LRRTM4: variants seen among roughly 807,000 people sequenced by gnomAD.
LRRTM4 encodes leucine rich repeat transmembrane neuronal 4.
A neutral mutation model predicts 47.6 loss-of-function variants in LRRTM4; 25 were observed. That is an observed-to-expected ratio of 0.53 (90% CI 0.38 to 0.73). The LOEUF (loss-of-function observed/expected upper bound fraction) is 0.73, where lower values mean the gene tolerates loss of function less well. Ranked by LOEUF, LRRTM4 falls within the 30% of genes least tolerant of loss-of-function variation. LRRTM4 has a pLI of 0.00. For synonymous variants in LRRTM4, 311 were observed against 269.5 expected, an observed-to-expected ratio of 1.15 and a Z score of -1.51; for missense variants, 638 against 713.4, an observed-to-expected ratio of 0.89 and a Z score of 1.20.
intron 3 of LRRTM4, among the ~76,000 whole-genome samples, chr2:77,124,911 A>G (rs928426584): frequency 6.6e-6 from 1 of 152,156 alleles, no homozygotes; most frequent in African/African-American, 2.4e-5. Context: ...TTCAGGAAAC[A>G]GGAATAAGCA....
At chr2:77,361,391 CT>C (rs1672204164) in intron 3 of LRRTM4, among the ~76,000 whole-genome samples, 1 of 152,072 alleles carries the variant, frequency 6.6e-6, no homozygotes, top group East Asian at 1.9e-4. Flanking sequence ...AAAACTTTTC[CT>C]TCCTGTTGCT....
At chr2:77,166,567 T>C (rs1397175468) in intron 3 of LRRTM4, among the ~76,000 whole-genome samples, 1 of 152,124 alleles carries the variant, frequency 6.6e-6, no homozygotes, top group East Asian at 1.9e-4. Context: ...ATTACAAGGC[T>C]ACAGTAACCA....
intron 3 of LRRTM4, among the ~76,000 whole-genome samples, chr2:76,939,635 G>C (rs1043490250): frequency 2.0e-5 from 3 of 151,848 alleles, no homozygotes; most frequent in African/African-American, 7.3e-5. Context: ...AAATATCCAT[G>C]CTTCTCTAAT....
intron 3 of LRRTM4, among the ~76,000 whole-genome samples, chr2:77,076,483 A>G (rs1400380875): frequency 6.6e-6 from 1 of 152,204 alleles, no homozygotes; most frequent in Non-Finnish European, 1.5e-5. Context: ...TATAAAAAAC[A>G]GATATTACAG....
chr2:76,831,295 A>T (rs1400123332), intron 3 of LRRTM4, among the ~76,000 whole-genome samples: 16 of 152,162 alleles, frequency 1.1e-4, no homozygotes, highest in Non-Finnish European at 1.6e-4. Context: ...TACTATTTGT[A>T]AATTTGATAT....
chr2:77,011,218 C>A (rs115546567), intron 3 of LRRTM4, among the ~76,000 whole-genome samples: 2 of 152,112 alleles, frequency 1.3e-5, no homozygotes, highest in Non-Finnish European at 2.9e-5. Flanking sequence ...ATAATTTCAA[C>A]ATGTAATCAC....
chr2:77,507,859 G>A (rs1678838590), intron 3 of LRRTM4, among the ~76,000 whole-genome samples: 2 of 151,936 alleles, frequency 1.3e-5, no homozygotes, highest in South Asian at 2.1e-4. Flanking sequence ...GGTGAGCATG[G>A]TTACCATGAC....
intron 3 of LRRTM4, among the ~76,000 whole-genome samples, chr2:77,011,844 G>A (rs2104069506): frequency 6.6e-6 from 1 of 152,120 alleles, no homozygotes; most frequent in South Asian, 2.1e-4. Context: ...CTGTCCAAGA[G>A]ATTGTGTAAA....
At chr2:76,845,046 T>A (rs774916444) in intron 3 of LRRTM4, among the ~76,000 whole-genome samples, 1 of 152,182 alleles carries the variant, frequency 6.6e-6, no homozygotes, top group Non-Finnish European at 1.5e-5. Flanking sequence ...TTCCTTTATC[T>A]TATTTCAGTT....
rs137857062 is a variant in LRRTM4 at position 77,254,555 on chromosome 2, G to A, written c.1551+263763C>T. Reference sequence around the variant, plus strand: ...AATGGATCTTTCACTTTTCTATTGAGTTTTCTATATTATTTTTGATGGTAG... The same window carrying A: ...AATGGATCTTTCACTTTTCTATTGAATTTTCTATATTATTTTTGATGGTAG... On this transcript the variant is annotated intron_variant, in intron 3 of 3. Transcript: ENST00000409884. 2.5e-3 allele frequency among the ~76,000 whole-genome samples: 376 copies of A among 151,896 alleles called. 2 individuals carry two copies. The highest frequency in any genetic ancestry group is 3.2e-3 in the Non-Finnish European group (215 of 67,814).
At position 77,509,317 on chromosome 2, in the gene LRRTM4, G is replaced by A. The variant is rs551641848; in HGVS notation, c.1551+9001C>T. 5.3e-4 allele frequency among the ~76,000 whole-genome samples: 81 copies of A among 151,804 alleles called. No homozygotes were observed. In the South Asian group the frequency reaches 0.017, roughly 32 times the overall value. On this transcript the variant is annotated intron_variant, in intron 3 of 3. Coordinates refer to ENST00000409884, the MANE Select transcript of LRRTM4 (RefSeq NM_001134745.3). The stretch of plus-strand genomic sequence containing the variant: ...GAAGTATGATATCTGATAAGATAGG[G>A]AATTTATAAGTTGTTTCTCTAACTC...
chr2:77,370,104 G>GA (rs1672606446), intron 3 of LRRTM4, among the ~76,000 whole-genome samples: 2 of 151,662 alleles, frequency 1.3e-5, no homozygotes, highest in African/African-American at 4.8e-5. Context: ...CTGACTCGGG[G>GA]AAAACCCAAA....
At chr2:77,305,274 C>T (rs1206904338) in intron 3 of LRRTM4, among the ~76,000 whole-genome samples, 1 of 151,790 alleles carries the variant, frequency 6.6e-6, no homozygotes, top group Non-Finnish European at 1.5e-5. Flanking sequence ...ATGTTATAAA[C>T]ACAAATCCTA....
chr2:76,771,641 GAAAAA>G (rs748214529), intron 3 of LRRTM4, among the ~76,000 whole-genome samples: 7 of 69,698 alleles, frequency 1.0e-4, no homozygotes, highest in Admixed American at 6.5e-4. Flanking sequence ...CAGGTGAACA[GAAAAA>G]AAAAAAAAAA....
intron 3 of LRRTM4, among the ~76,000 whole-genome samples, chr2:77,452,460 T>A (rs1028312271): frequency 6.6e-6 from 1 of 152,132 alleles, no homozygotes; most frequent in Non-Finnish European, 1.5e-5. Flanking sequence ...GAGTTTTGTC[T>A]ATGTAAGAGG....
At position 76,749,039 on chromosome 2, in the gene LRRTM4, A is replaced by C. The variant is rs572563059; in HGVS notation, c.1552-123T>G. ...TTTCAAGTCATCAGCTACAAATTCA[A>C]CTACAAATAAACATTAACAAAATGA... On this transcript the variant is annotated intron_variant, in intron 3 of 3. Transcript: ENST00000409884. 8.6e-6 allele frequency: 6 copies of C among 698,974 alleles called. No homozygotes were observed. In the African/African-American group the frequency reaches 1.1e-4, roughly 13 times the overall value. The allele number at this position is 698,974 out of a possible 1,614,324, so 43.3% of individuals were successfully genotyped here.
At chr2:77,421,887 T>C (rs1674911309) in intron 3 of LRRTM4, among the ~76,000 whole-genome samples, 1 of 152,232 alleles carries the variant, frequency 6.6e-6, no homozygotes, top group South Asian at 2.1e-4. Context: ...ATGGACCACA[T>C]AAACAACAGT....
rs563188263 is a variant in LRRTM4, at chr2:76,794,521, C to A, written c.1552-45605G>T. On this transcript the variant is annotated intron_variant, in intron 3 of 3. Coordinates refer to ENST00000409884, the MANE Select transcript of LRRTM4 (RefSeq NM_001134745.3). The stretch of plus-strand genomic sequence containing the variant: ...GTATAGGCAAACATTTGCACCTCTT[C>A]TATATTCTATCTAGACTTAATTGAA... Among the ~76,000 whole-genome samples, 4 of 151,908 alleles carry A rather than the reference C, an allele frequency of 2.6e-5. No individual in the cohort carries two copies. The South Asian group carries it at 8.4e-4, about 32-fold the overall frequency.
intron 3 of LRRTM4, among the ~76,000 whole-genome samples, chr2:77,215,942 G>C (rs144282382): frequency 6.6e-6 from 1 of 151,860 alleles, no homozygotes; most frequent in African/African-American, 2.4e-5. Flanking sequence ...AAAAATTCTG[G>C]GTCAGTAAGA....
Sources: allele counts gnomAD v4.1 joint callset (sites outside exome capture counted in the v4.1 genomes callset), GRCh38; gene constraint gnomAD v4.1.1; transcripts MANE v1.5; gene names NCBI Gene and HGNC (gene_info 2026-07-23, HGNC 2026-07-21).